Variants in DAB1 observed in about 807,000 individuals in gnomAD.
DAB1 encodes DAB adaptor protein 1.
DAB1 carries 15 observed loss-of-function variants against 64.6 expected under a neutral mutation model. The ratio of observed to expected loss-of-function variants is 0.23; its 90% CI spans 0.16 to 0.36. DAB1 has a LOEUF of 0.36. DAB1 is among the 10% of genes least tolerant of loss of function. The pLI is 1.00. For synonymous variants in DAB1, 235 were observed against 251.9 expected (o/e 0.93, Z 0.64); for missense variants, 596 against 706.7 (o/e 0.84, Z 1.78).
intron 6 of DAB1, among the ~76,000 whole-genome samples, chr1:57,689,921 C>T (rs1646743794): frequency 6.6e-6 from 1 of 152,026 alleles, no homozygotes; most frequent in South Asian, 2.1e-4. Context: ...CATTCCAAGC[C>T]TCTGGTAATC....
At chr1:57,182,313 G>A (rs2100973271) in intron 2 of DAB1, among the ~76,000 whole-genome samples, 1 of 152,326 alleles carries the variant, frequency 6.6e-6, no homozygotes. Flanking sequence ...GTACTTGTAT[G>A]TTATCAGTAA....
intron 1 of DAB1, among the ~76,000 whole-genome samples, chr1:57,344,600 G>A (rs983494122): frequency 2.6e-5 from 4 of 152,070 alleles, no homozygotes; most frequent in East Asian, 3.9e-4. Flanking sequence ...GAATCGAGGC[G>A]AAGGTTATAG....
chr1:57,120,486 A>G (rs1023452387), intron 4 of DAB1, among the ~76,000 whole-genome samples: 1 of 152,086 alleles, frequency 6.6e-6, no homozygotes, highest in Non-Finnish European at 1.5e-5. Flanking sequence ...CATTTTTACC[A>G]TTTTAAGTGT....
intron 1 of DAB1, among the ~76,000 whole-genome samples, chr1:57,352,413 T>C (rs960360580): frequency 4.6e-5 from 7 of 152,182 alleles, no homozygotes; most frequent in African/African-American, 1.2e-4. Context: ...ACCCAAAATA[T>C]GTTTTTTAAA....
At position 58,083,941 on chromosome 1, in the gene DAB1, G is replaced by A. The variant is rs551150225; in HGVS notation, n.387+66570C>T. On this transcript the variant is annotated intron_variant and non_coding_transcript_variant, in intron 5 of 20. Transcript: ENST00000485760. ...TTAAGTAGAACGTTCTAGGGAGAGC[G>A]AACAGCAAGTGAAAGCCATGGAGGA... Among the ~76,000 whole-genome samples, 467 of 152,240 alleles carry A rather than the reference G, an allele frequency of 3.1e-3. 1 individual carries two copies. The highest frequency in any genetic ancestry group is 4.7e-3 in the Non-Finnish European group (319 of 68,016).
chr1:58,159,311 G>A (rs1283569949), intron 4 of DAB1, among the ~76,000 whole-genome samples: 1 of 152,128 alleles, frequency 6.6e-6, no homozygotes, highest in Non-Finnish European at 1.5e-5. Context: ...TGCAATCCAG[G>A]TTCAACATAG....
At chr1:57,403,910 T>C (rs1277022050) in intron 1 of DAB1, among the ~76,000 whole-genome samples, 1 of 152,218 alleles carries the variant, frequency 6.6e-6, no homozygotes, top group African/African-American at 2.4e-5. Flanking sequence ...TAGTGGCTAC[T>C]ATATTGTACT....
At chr1:58,056,820 T>A (rs887751240) in intron 5 of DAB1, among the ~76,000 whole-genome samples, 1 of 152,038 alleles carries the variant, frequency 6.6e-6, no homozygotes, top group Non-Finnish European at 1.5e-5. Context: ...TAGGATGGCT[T>A]CCTTTCTCAA....
chr1:57,449,079 C>T (rs544790548), intron 7 of DAB1, among the ~76,000 whole-genome samples: 3 of 152,178 alleles, frequency 2.0e-5, no homozygotes, highest in African/African-American at 7.2e-5. Flanking sequence ...AAGGCTATGA[C>T]CGAGTATCAG....
intron 9 of DAB1, among the ~76,000 whole-genome samples, chr1:57,042,448 A>G (rs1379298512): frequency 1.3e-5 from 2 of 152,154 alleles, no homozygotes; most frequent in East Asian, 3.9e-4. Context: ...ATCTCTAGTC[A>G]GCTCTTCAAA....
intron 7 of DAB1, among the ~76,000 whole-genome samples, chr1:57,517,826 G>T (rs76757537): frequency 0.03 from 4,597 of 152,246 alleles, 210 homozygotes; most frequent in African/African-American, 0.1. Context: ...ATTGTTTTCT[G>T]CAGTTTCCTA....
At chr1:57,053,642 A>ATCTCTC (rs146813079) in intron 9 of DAB1, among the ~76,000 whole-genome samples, 2,610 of 126,138 alleles carry the variant, frequency 0.021, 108 homozygotes, top group African/African-American at 0.076. Flanking sequence ...CCATCTAAGA[A>ATCTCTC]TCTCTCTCTC....
intron 1 of DAB1, among the ~76,000 whole-genome samples, chr1:57,390,204 T>C (rs532926): frequency 0.41 from 62,089 of 152,092 alleles, 13,231 homozygotes; most frequent in African/African-American, 0.46. Flanking sequence ...TTCCAGAAGT[T>C]GATCAGGATG....
At chr1:58,139,764 C>G (rs1654171898) in intron 5 of DAB1, among the ~76,000 whole-genome samples, 1 of 152,146 alleles carries the variant, frequency 6.6e-6, no homozygotes, top group Non-Finnish European at 1.5e-5. Context: ...AGACCACTTC[C>G]TAGATGTGTG....
At chr1:57,522,760 C>T (rs562114756) in intron 7 of DAB1, among the ~76,000 whole-genome samples, 141 of 152,258 alleles carry the variant, frequency 9.3e-4, no homozygotes, top group Middle Eastern at 3.4e-3. Flanking sequence ...GCAGACCCAC[C>T]CTCATTCTGG....
intron 2 of DAB1, among the ~76,000 whole-genome samples, chr1:57,162,667 C>A (rs74074238): frequency 6.6e-6 from 1 of 152,068 alleles, no homozygotes; most frequent in African/African-American, 2.4e-5. Flanking sequence ...AACTTGTTTG[C>A]GGAGTATTTT....
intron 4 of DAB1, among the ~76,000 whole-genome samples, chr1:57,074,817 G>C (rs1174440784): frequency 1.3e-5 from 2 of 152,120 alleles, no homozygotes; most frequent in Non-Finnish European, 2.9e-5. Context: ...GGCAGAGAAG[G>C]ACATATTTGC....
chr1:57,907,793 G>C (rs538672365), intron 5 of DAB1, among the ~76,000 whole-genome samples: 1 of 152,016 alleles, frequency 6.6e-6, no homozygotes, highest in African/African-American at 2.4e-5. Context: ...CATGCTCTGA[G>C]AAATGCGTTG....
chr1:57,516,686 C>A (rs549021128), intron 7 of DAB1, among the ~76,000 whole-genome samples: 1 of 152,296 alleles, frequency 6.6e-6, no homozygotes, highest in African/African-American at 2.4e-5. Flanking sequence ...TCCTGCTGCT[C>A]CTTTCATGCA....
Sources: allele counts gnomAD v4.1 joint callset (sites outside exome capture counted in the v4.1 genomes callset), GRCh38; gene constraint gnomAD v4.1.1; transcripts MANE v1.5; gene names NCBI Gene and HGNC (gene_info 2026-07-23, HGNC 2026-07-21).